The following ENKUR variants were observed in gnomAD, a reference collection of about 807,000 sequenced individuals.
The protein encoded by ENKUR is enkurin, TRPC channel interacting protein, also known as enkurin.
A neutral mutation model predicts 27.6 loss-of-function variants in ENKUR; 19 were observed. The ratio of observed to expected loss-of-function variants is 0.69; its 90% CI spans 0.48 to 1.01. The LOEUF is 1.01. Ranked by LOEUF, ENKUR falls within the 50% of genes least tolerant of loss-of-function variation. The pLI is 0.00. For synonymous variants in ENKUR, 117 were observed against 96.9 expected (o/e 1.21, Z -1.22); for missense variants, 312 against 310.5 (o/e 1.00, Z -0.04).
At chr10:25,025,452 A>G in intron 2 of ENKUR, 3 of 1,594,380 alleles carry the variant, frequency 1.9e-6, no homozygotes, top group East Asian at 2.2e-5. Flanking sequence ...ATCAATTCAT[A>G]TGAAAGCTTT....
At chr10:25,012,680 C>T (rs1159039326) in intron 1 of ENKUR, among the ~76,000 whole-genome samples, 2 of 152,192 alleles carry the variant, frequency 1.3e-5, no homozygotes, top group African/African-American at 4.8e-5. Flanking sequence ...AATGCCTGGA[C>T]CCCCATTGTA....
rs550470194 is a variant in ENKUR at position 25,010,194 on chromosome 10, C to A, written c.77+5666G>T. Among the ~76,000 whole-genome samples the A allele has an allele frequency of 3.3e-5, 5 of 152,236 alleles. 1 individual carries two copies. In the East Asian group the frequency reaches 9.7e-4, roughly 29 times the overall value. On this transcript the variant is annotated intron_variant, in intron 1 of 5. Coordinates refer to ENST00000331161, the MANE Select transcript of ENKUR (RefSeq NM_145010.4). Reference sequence around the variant, plus strand: ...AATAAAGTCCAGGTTGAGGTGGTTTCAGACGGAGATGAGGAACTTGTTGAG... The same window carrying A: ...AATAAAGTCCAGGTTGAGGTGGTTTAAGACGGAGATGAGGAACTTGTTGAG...
intron 2 of ENKUR, chr10:25,025,331 C>T (rs1554772873): frequency 6.2e-7 from 1 of 1,614,186 alleles, no homozygotes; most frequent in Non-Finnish European, 8.5e-7. Context: ...GCATTACCTC[C>T]ACTGCATGAG....
chr10:25,051,863 C>T (rs965225738), intron 2 of ENKUR, among the ~76,000 whole-genome samples: 19 of 152,208 alleles, frequency 1.2e-4, no homozygotes, highest in African/African-American at 4.6e-4. Flanking sequence ...CCTACTAGGT[C>T]GTCATTCTGC....
intron 2 of ENKUR, chr10:25,024,301 CAT>C: frequency 6.2e-7 from 1 of 1,614,154 alleles, no homozygotes; most frequent in Non-Finnish European, 8.5e-7. Flanking sequence ...GCTTATGCCT[CAT>C]ATTTTTGCAC....
intron 3 of ENKUR, among the ~76,000 whole-genome samples, chr10:24,991,342 G>A (rs1276468708): frequency 6.6e-6 from 1 of 151,772 alleles, no homozygotes; most frequent in Non-Finnish European, 1.5e-5. Context: ...TCTTTTTCGT[G>A]GTCTCGTTAA....
Position 24,984,287 on chromosome 10 carries a change from A to C in ENKUR, c.*83T>G. Reference sequence around the variant, plus strand: ...GTGGAGCTCAGAAACAATGTGTTGGAGACAGTTTAGAGTAGCAAGAAGGCA... The same window carrying C: ...GTGGAGCTCAGAAACAATGTGTTGGCGACAGTTTAGAGTAGCAAGAAGGCA... On this transcript the variant is annotated 3_prime_UTR_variant, in exon 6 of 6. Coordinates refer to ENST00000331161, the MANE Select transcript of ENKUR (RefSeq NM_145010.4). The C allele has an allele frequency of 6.8e-7, 1 of 1,461,400 alleles. No homozygotes were observed. The highest frequency in any genetic ancestry group is 1.3e-5 in the South Asian group (1 of 78,286). The allele number at this position is 1,461,400 out of a possible 1,614,324, so 90.5% of individuals were successfully genotyped here.
chr10:25,007,967 G>A (rs1274831596), intron 1 of ENKUR, among the ~76,000 whole-genome samples: 4 of 148,350 alleles, frequency 2.7e-5, no homozygotes, highest in Non-Finnish European at 5.9e-5. Flanking sequence ...GTGTGCCTGT[G>A]ATATATTATA....
intron 2 of ENKUR, among the ~76,000 whole-genome samples, chr10:25,055,401 G>T (rs1851243151): frequency 6.6e-6 from 1 of 151,970 alleles, no homozygotes; most frequent in Admixed American, 6.6e-5. Flanking sequence ...CTAAAGGCCT[G>T]CATTCTGGGC....
At chr10:25,024,359 C>A in intron 2 of ENKUR, 1 of 1,614,008 alleles carries the variant, frequency 6.2e-7, no homozygotes, top group African/African-American at 1.3e-5. Context: ...GTAGCTACTT[C>A]AGGAGACACA....
chr10:25,018,069 G>A (rs1399427462), upstream of ENKUR, among the ~76,000 whole-genome samples: 2 of 152,098 alleles, frequency 1.3e-5, no homozygotes, highest in Non-Finnish European at 2.9e-5. Context: ...TTGATGTTCT[G>A]GGGTTACTGA....
exon 2 of ENKUR, chr10:25,061,165 T>C (rs989494452): frequency 4.2e-5 from 64 of 1,535,886 alleles, no homozygotes; most frequent in Non-Finnish European, 5.1e-5. Flanking sequence ...TGGTGAACAA[T>C]CTCCATAAGA....
chr10:25,055,381 T>A (rs1307754624), intron 2 of ENKUR, among the ~76,000 whole-genome samples: 1 of 151,944 alleles, frequency 6.6e-6, no homozygotes, highest in Non-Finnish European at 1.5e-5. Flanking sequence ...TTATGCACCT[T>A]CCCTCCTGGC....
At chr10:24,988,613 G>GAGGATTAT (rs1410146640) in intron 4 of ENKUR, among the ~76,000 whole-genome samples, 2 of 112,194 alleles carry the variant, frequency 1.8e-5, no homozygotes, top group African/African-American at 6.9e-5. Context: ...GTCACCACTG[G>GAGGATTAT]AGGATTATAG....
intron 2 of ENKUR, among the ~76,000 whole-genome samples, chr10:25,049,169 T>C (rs1202916979): frequency 6.6e-6 from 1 of 152,168 alleles, no homozygotes; most frequent in Admixed American, 6.5e-5. Context: ...TTGGGAGGGT[T>C]AACTGTAAAT....
At chr10:25,040,345 ACT>A (rs1237707783) in intron 2 of ENKUR, among the ~76,000 whole-genome samples, 3 of 147,506 alleles carry the variant, frequency 2.0e-5, no homozygotes, top group Non-Finnish European at 4.5e-5. Flanking sequence ...CACTTTAAAC[ACT>A]CTACCACAGG....
chr10:24,989,091 G>A (rs1359715672), intron 4 of ENKUR, among the ~76,000 whole-genome samples: 1 of 152,096 alleles, frequency 6.6e-6, no homozygotes, highest in Non-Finnish European at 1.5e-5. Context: ...TCACTTCTAA[G>A]TTCTTTGTCA....
chr10:25,047,055 C>A (rs1851128837), intron 2 of ENKUR, among the ~76,000 whole-genome samples: 1 of 152,212 alleles, frequency 6.6e-6, no homozygotes, highest in African/African-American at 2.4e-5. Context: ...TGGCAACAAA[C>A]TTCAGAGTAA....
chr10:25,051,073 A>G (rs1425389968), intron 2 of ENKUR, among the ~76,000 whole-genome samples: 1 of 152,128 alleles, frequency 6.6e-6, no homozygotes, highest in African/African-American at 2.4e-5. Context: ...GTATCCTTGG[A>G]ACTTACAAGT....
Sources: allele counts gnomAD v4.1 joint callset (sites outside exome capture counted in the v4.1 genomes callset), GRCh38; gene constraint gnomAD v4.1.1; transcripts MANE v1.5; gene names NCBI Gene and HGNC (gene_info 2026-07-23, HGNC 2026-07-21).